ZMYM2: variants seen among roughly 807,000 people sequenced by gnomAD.
ZMYM2 encodes the protein zinc finger MYM-type protein 2.
A neutral mutation model predicts 162.8 loss-of-function variants in ZMYM2; 56 were observed. That is an observed-to-expected ratio of 0.34 (90% CI 0.28 to 0.43). The LOEUF (loss-of-function observed/expected upper bound fraction) is 0.43. Among genes scored for constraint, ZMYM2 ranks in the 20% least tolerant of loss-of-function variants. ZMYM2 has a pLI of 1.00. For missense variants in ZMYM2, 1,275 were observed against 1,621.8 expected (o/e 0.79, Z 3.67); for synonymous variants, 510 against 541.6 (o/e 0.94, Z 0.81).
chr13:19,872,141 T>C, the ZMYM2 span, among the ~76,000 whole-genome samples: 34 of 114,150 alleles, frequency 3.0e-4, no homozygotes, highest in African/African-American at 1.3e-3. Context: ...GGCTAAGTTC[T>C]TTTTTTTTTT....
At chr13:20,084,939 C>G (rs192122688) in intron 24 of ZMYM2, among the ~76,000 whole-genome samples, 3 of 152,216 alleles carry the variant, frequency 2.0e-5, no homozygotes, top group African/African-American at 7.2e-5. Context: ...TGCTTCTGAC[C>G]AGAAGTGTTT....
the ZMYM2 span, among the ~76,000 whole-genome samples, chr13:19,937,293 T>C: frequency 1.3e-5 from 2 of 152,028 alleles, no homozygotes; most frequent in Non-Finnish European, 2.9e-5. Flanking sequence ...AGCGCCACCA[T>C]GCCCAGCTAA....
chr13:19,989,154 G>A (rs1427265947), intron 2 of ZMYM2, among the ~76,000 whole-genome samples: 2 of 152,016 alleles, frequency 1.3e-5, no homozygotes, highest in Non-Finnish European at 2.9e-5. Flanking sequence ...GGAAAATATC[G>A]TATATATAGG....
the ZMYM2 span, among the ~76,000 whole-genome samples, chr13:19,894,060 A>G: frequency 6.6e-6 from 1 of 151,896 alleles, no homozygotes; most frequent in African/African-American, 2.4e-5. Context: ...GTTGTAAATC[A>G]AAACCACAAT....
At chr13:20,017,501 G>C (rs968167782) in intron 6 of ZMYM2, among the ~76,000 whole-genome samples, 1 of 152,078 alleles carries the variant, frequency 6.6e-6, no homozygotes, top group Non-Finnish European at 1.5e-5. Flanking sequence ...TCTATCTGTA[G>C]ATTTATGTCT....
At chr13:19,955,714 TG>T (rs1345013899), upstream of ZMYM2, among the ~76,000 whole-genome samples, 1 of 152,086 alleles carries the variant, frequency 6.6e-6, no homozygotes, top group African/African-American at 2.4e-5. Context: ...CTCCGCCTCC[TG>T]GGTTCAAGCG....
At chr13:19,872,877 G>T in the ZMYM2 span, among the ~76,000 whole-genome samples, 1 of 151,502 alleles carries the variant, frequency 6.6e-6, no homozygotes, top group Admixed American at 6.6e-5. Context: ...TGCATGCCTG[G>T]AATCACAGTT....
chr13:19,908,896 A>C, the ZMYM2 span, among the ~76,000 whole-genome samples: 1 of 152,198 alleles, frequency 6.6e-6, no homozygotes, highest in Non-Finnish European at 1.5e-5. Context: ...TACTGTTATT[A>C]CAGAAAGCTT....
chr13:20,002,807 A>G (rs1289854061), intron 3 of ZMYM2, 43 bp from the exon 4 acceptor site: 1 of 1,592,732 alleles, frequency 6.3e-7, no homozygotes, highest in South Asian at 1.1e-5. Flanking sequence ...TGTATAAACA[A>G]ACACTTGTTT....
intron 3 of ZMYM2, among the ~76,000 whole-genome samples, chr13:19,999,820 G>A (rs7325053): frequency 0.035 from 5,383 of 152,034 alleles, 125 homozygotes; most frequent in African/African-American, 0.064. Flanking sequence ...CTTTTTTTGA[G>A]ACAGAGTCTC....
At chr13:20,046,918 T>C (rs922570612) in intron 12 of ZMYM2, among the ~76,000 whole-genome samples, 7 of 152,106 alleles carry the variant, frequency 4.6e-5, no homozygotes, top group Non-Finnish European at 5.9e-5. Context: ...AGAAATACTT[T>C]AGTCAAATAC....
chr13:20,062,710 C>A, intron 17 of ZMYM2, 136 bp from the exon 18 acceptor site: 1 of 831,646 alleles, frequency 1.2e-6, no homozygotes, highest in Non-Finnish European at 1.7e-6. Context: ...ATATAATATG[C>A]CCTTTTCTTT....
At chr13:19,926,666 T>A in the ZMYM2 span, among the ~76,000 whole-genome samples, 1 of 151,614 alleles carries the variant, frequency 6.6e-6, no homozygotes, top group Non-Finnish European at 1.5e-5. Flanking sequence ...ACCCAGTCTC[T>A]ATTTTTATTT....
the ZMYM2 span, among the ~76,000 whole-genome samples, chr13:19,895,076 C>CAAAA: frequency 3.6e-4 from 30 of 83,490 alleles, no homozygotes; most frequent in East Asian, 7.6e-4. Context: ...AACTCCATCT[C>CAAAA]AAAAAAAAAA....
At chr13:19,992,338 C>T (rs1359308256) in intron 2 of ZMYM2, among the ~76,000 whole-genome samples, 3 of 152,134 alleles carry the variant, frequency 2.0e-5, no homozygotes, top group African/African-American at 7.2e-5. Context: ...TTCAGGGGAT[C>T]TCTTGAGCCT....
the ZMYM2 span, among the ~76,000 whole-genome samples, chr13:19,867,563 A>G: frequency 6.6e-6 from 1 of 152,224 alleles, no homozygotes; most frequent in Non-Finnish European, 1.5e-5. Context: ...ACAGAATCTA[A>G]GATTGAAAAA....
chr13:20,079,928 A>G (rs1036607048), intron 21 of ZMYM2, among the ~76,000 whole-genome samples: 2 of 152,234 alleles, frequency 1.3e-5, no homozygotes, highest in Non-Finnish European at 2.9e-5. Flanking sequence ...AAAAGCAAAA[A>G]ATATAAATTG....
chr13:20,040,357 T>A (rs1016080425), intron 12 of ZMYM2, among the ~76,000 whole-genome samples: 3 of 152,196 alleles, frequency 2.0e-5, no homozygotes, highest in Admixed American at 6.5e-5. Flanking sequence ...TCTTCTAGAT[T>A]TTCTAGTTCA....
Position 20,026,707 on chromosome 13 carries a change from A to C in ZMYM2, c.1680A>C (p.Pro560=). The change falls in exon 8 of 25, where the codon CCA becomes CCC. Residue 560 remains proline, a synonymous_variant. Coordinates refer to ENST00000610343, the MANE Select transcript of ZMYM2 (RefSeq NM_197968.4). ...QCIGPNGYME[P]YCSTACMNSH... is the part of the protein sequence containing the mutation. ...TAGGTCCTAATGGATATATGGAGCC[A>C]TATTGTTCAACTGCTTGTATGAACA... is the stretch of plus-strand genomic sequence containing the variant. 1 of 1,606,770 alleles carries C rather than the reference A, an allele frequency of 6.2e-7. No homozygotes were observed. Among genetic ancestry groups the C allele is most frequent in the Non-Finnish European group, 8.5e-7 (1 of 1,178,466 alleles).
Sources: allele counts gnomAD v4.1 joint callset (sites outside exome capture counted in the v4.1 genomes callset), GRCh38; gene constraint gnomAD v4.1.1; transcripts MANE v1.5; gene names NCBI Gene and HGNC (gene_info 2026-07-23, HGNC 2026-07-21).